REDIC1: variants seen among roughly 807,000 people sequenced by gnomAD.
The protein encoded by REDIC1 is regulator of DNA class I crossover intermediates 1.
chr12:39,865,388 G>A, the REDIC1 span, among the ~76,000 whole-genome samples: 6 of 152,252 alleles, frequency 3.9e-5, no homozygotes, highest in South Asian at 1.0e-3. Flanking sequence ...GAAAGAGCAT[G>A]TTTTATTAAA....
At chr12:39,685,452 T>C in the REDIC1 span, among the ~76,000 whole-genome samples, 1 of 151,964 alleles carries the variant, frequency 6.6e-6, no homozygotes, top group Admixed American at 6.6e-5. Context: ...AATGACCAGA[T>C]CACAGGAGAA....
At chr12:39,856,803 C>A in the REDIC1 span, among the ~76,000 whole-genome samples, 3 of 152,276 alleles carry the variant, frequency 2.0e-5, no homozygotes, top group East Asian at 5.8e-4. Flanking sequence ...CTTAACATAC[C>A]AGAGTGTTTT....
the REDIC1 span, among the ~76,000 whole-genome samples, chr12:39,849,311 G>A: frequency 5.3e-5 from 8 of 152,186 alleles, no homozygotes; most frequent in African/African-American, 1.9e-4. Flanking sequence ...AGCATTTAGC[G>A]AGCACACTGG....
At chr12:39,759,881 C>T in the REDIC1 span, 4 of 603,438 alleles carry the variant, frequency 6.6e-6, no homozygotes, top group South Asian at 2.2e-5. Context: ...TTGTATCTTC[C>T]TCCTAATCAA....
chr12:39,862,910 C>T, the REDIC1 span, among the ~76,000 whole-genome samples: 2 of 152,136 alleles, frequency 1.3e-5, no homozygotes, highest in Non-Finnish European at 2.9e-5. Flanking sequence ...CAGTCAATTA[C>T]TGCTCAGCTG....
At chr12:39,822,223 C>G in the REDIC1 span, among the ~76,000 whole-genome samples, 3 of 152,054 alleles carry the variant, frequency 2.0e-5, no homozygotes, top group African/African-American at 7.2e-5. Context: ...TCCAAGATAA[C>G]GTTTCCTGCC....
chr12:39,815,322 G>C, the REDIC1 span, among the ~76,000 whole-genome samples: 1 of 152,168 alleles, frequency 6.6e-6, no homozygotes, highest in Non-Finnish European at 1.5e-5. Context: ...GTGATGGTCT[G>C]GCCTTTATTG....
the REDIC1 span, among the ~76,000 whole-genome samples, chr12:39,870,811 T>A: frequency 6.6e-6 from 1 of 152,180 alleles, no homozygotes; most frequent in East Asian, 1.9e-4. Flanking sequence ...GTTCTACTCT[T>A]CATTCTGGAA....
the REDIC1 span, among the ~76,000 whole-genome samples, chr12:39,703,283 A>G: frequency 1.5e-4 from 22 of 150,672 alleles, no homozygotes; most frequent in South Asian, 3.0e-3. Context: ...ATTCTTATAC[A>G]CCAACAACAG....
chr12:39,896,485 T>C, the REDIC1 span, among the ~76,000 whole-genome samples: 7 of 148,160 alleles, frequency 4.7e-5, no homozygotes, highest in African/African-American at 1.2e-4. Flanking sequence ...TATATGTGTA[T>C]ATATGTACAC....
At chr12:39,880,594 C>T in the REDIC1 span, among the ~76,000 whole-genome samples, 17 of 152,130 alleles carry the variant, frequency 1.1e-4, no homozygotes, top group Non-Finnish European at 2.2e-4. Context: ...TTATTAATCA[C>T]ATTTAATATA....
chr12:39,695,025 G>A, the REDIC1 span, among the ~76,000 whole-genome samples: 1 of 152,018 alleles, frequency 6.6e-6, no homozygotes, highest in Non-Finnish European at 1.5e-5. Flanking sequence ...ATCCTTGAAG[G>A]GAAGGACCCA....
chr12:39,707,569 G>A, the REDIC1 span, among the ~76,000 whole-genome samples: 2 of 151,840 alleles, frequency 1.3e-5, no homozygotes, highest in African/African-American at 2.4e-5. Context: ...CATGTTTGTT[G>A]CAGCACTGTT....
At chr12:39,684,024 AGACTCC>A in the REDIC1 span, 1 of 491,804 alleles carries the variant, frequency 2.0e-6, no homozygotes, top group East Asian at 1.5e-4. Context: ...TACCTCTCAG[AGACTCC>A]ATGTTTTCTC....
chr12:39,656,596 A>G, the REDIC1 span, among the ~76,000 whole-genome samples: 2 of 152,200 alleles, frequency 1.3e-5, no homozygotes, highest in East Asian at 3.8e-4. Flanking sequence ...AGTTAATTGT[A>G]AAACAGGCTC....
At chr12:39,714,123 G>T in the REDIC1 span, among the ~76,000 whole-genome samples, 2 of 149,646 alleles carry the variant, frequency 1.3e-5, no homozygotes, top group Admixed American at 6.7e-5. Flanking sequence ...ACGTGTATAT[G>T]TATATATGTA....
chr12:39,788,822 C>T, the REDIC1 span, among the ~76,000 whole-genome samples: 1 of 152,098 alleles, frequency 6.6e-6, no homozygotes, highest in East Asian at 1.9e-4. Flanking sequence ...CGAAGTTGCC[C>T]TGCAATCTAA....
chr12:39,746,687 G>C, the REDIC1 span, among the ~76,000 whole-genome samples: 1 of 152,226 alleles, frequency 6.6e-6, no homozygotes, highest in Non-Finnish European at 1.5e-5. Flanking sequence ...AGTAGGGGCA[G>C]ACTGACACCT....
the REDIC1 span, among the ~76,000 whole-genome samples, chr12:39,744,690 A>G: frequency 6.6e-6 from 1 of 152,204 alleles, no homozygotes; most frequent in Non-Finnish European, 1.5e-5. Flanking sequence ...TGAAATAAAT[A>G]AATAGTGTAA....
Sources: allele counts gnomAD v4.1 joint callset (sites outside exome capture counted in the v4.1 genomes callset), GRCh38; gene constraint gnomAD v4.1.1; transcripts MANE v1.5; gene names NCBI Gene and HGNC (gene_info 2026-07-23, HGNC 2026-07-21).